DENND3: variants seen among roughly 807,000 people sequenced by gnomAD.
DENND3 encodes the protein DENN domain containing 3, also known as DENN domain-containing protein 3.
Under a neutral mutation model 135.1 loss-of-function variants are expected in DENND3, and 88 were observed. The observed-to-expected ratio is 0.65, with a 90% CI of 0.55 to 0.78. The LOEUF (loss-of-function observed/expected upper bound fraction) is 0.78. Among genes scored for constraint, DENND3 ranks in the 30% least tolerant of loss-of-function variants. The pLI is 0.00. For missense variants in DENND3, 1,392 were observed against 1,688.4 expected (o/e 0.82, Z 3.08); for synonymous variants, 693 against 712.3 (o/e 0.97, Z 0.43).
intron 5 of DENND3, chr8:141,150,434 TAAAAG>T: frequency 1.5e-6 from 1 of 676,342 alleles, no homozygotes; most frequent in Non-Finnish European, 2.1e-6. Flanking sequence ...TCAAAGCTAT[TAAAAG>T]AGAGTTCATA....
rs1385519807 is a variant in DENND3 at position 141,166,461 on chromosome 8, A to G, written c.1753+72A>G. 2.7e-6 allele frequency: 4 copies of G among 1,494,270 alleles called. No homozygotes were observed. Among genetic ancestry groups the G allele is most frequent in the Non-Finnish European group, 3.6e-6 (4 of 1,110,340 alleles). 92.6% of individuals were successfully genotyped at this position (1,494,270 alleles called of 1,614,324 possible). ...CCTGCACCTGCAAGTCATTGAGCAA[A>G]ACTGGGACTTGTTTCAGGAGAGACG... is the stretch of plus-strand genomic sequence containing the variant. On this transcript the variant is annotated intron_variant, in intron 12 of 22. Coordinates refer to ENST00000519811, the MANE Select transcript of DENND3 (RefSeq NM_001352890.3). The surrounding 1 kb of genome is among the most constrained non-coding windows in gnomAD (Gnocchi z 4.3).
At position 141,166,034 on chromosome 8, in the gene DENND3, G is replaced by T. The variant is rs190121614; in HGVS notation, c.1554-156G>T. ...CTGGGTCCCCCTGAGGCTGCACTTG[G>T]TGAGATTTGGGCAACATGTTCTTAC... On this transcript the variant is annotated intron_variant, in intron 11 of 22. Transcript: ENST00000519811. The surrounding 1 kb of genome is among the most constrained non-coding windows in gnomAD (Gnocchi z 4.3). 6.6e-6 allele frequency among the ~76,000 whole-genome samples: 1 copy of T among 152,240 alleles called. No individual in the cohort carries two copies. The highest frequency in any genetic ancestry group is 6.5e-5 in the Admixed American group (1 of 15,284).
At chr8:141,162,244 T>A (rs897611237) in intron 9 of DENND3, among the ~76,000 whole-genome samples, 2 of 152,242 alleles carry the variant, frequency 1.3e-5, no homozygotes, top group Non-Finnish European at 2.9e-5. Flanking sequence ...TATGTTGTTT[T>A]CCTTTTGTTC....
In DENND3 at chr8:141,182,969, A is replaced by G. The variant is rs1682799443; in HGVS notation, c.2944+2115A>G. ...CCGGGAGGCCTGCCCTTCTGGACTC[A>G]GGACGGAGGCAGCACTGCAGGGCGG... On this transcript the variant is annotated intron_variant, in intron 17 of 22. Transcript: ENST00000519811. The surrounding 1 kb of genome is among the most constrained non-coding windows in gnomAD (Gnocchi z 5.9). Among the ~76,000 whole-genome samples, 1 of 152,230 alleles carries G rather than the reference A, an allele frequency of 6.6e-6. No individual in the cohort carries two copies. Among genetic ancestry groups the G allele is most frequent in the African/African-American group, 2.4e-5 (1 of 41,466 alleles).
intron 20 of DENND3, among the ~76,000 whole-genome samples, chr8:141,191,051 C>T (rs1055974488): frequency 6.6e-6 from 1 of 152,198 alleles, no homozygotes; most frequent in African/African-American, 2.4e-5. Flanking sequence ...GTAATGGAGG[C>T]GTGTTTCACA....
rs1444635840 is a variant in DENND3 at position 141,128,658 on chromosome 8, G to T, written c.-50G>T. ...GGTCCCCAGGGGTCTGCGGGCGACTGCGCGGCTGAGGCGCCCGAGTGCGGT... is the reference window on the plus strand; with the variant it reads ...GGTCCCCAGGGGTCTGCGGGCGACTTCGCGGCTGAGGCGCCCGAGTGCGGT... On this transcript the variant is annotated 5_prime_UTR_variant, in exon 1 of 23. Coordinates refer to ENST00000519811, the MANE Select transcript of DENND3 (RefSeq NM_001352890.3). This position sits in a 1 kb window ranked among gnomAD's most constrained non-coding sequence, Gnocchi z 4.5. The T allele has an allele frequency of 8.1e-7, 1 of 1,229,846 alleles. No individual in the cohort carries two copies. Among genetic ancestry groups the T allele is most frequent in the Non-Finnish European group, 1.0e-6 (1 of 965,542 alleles). 76.2% of individuals were successfully genotyped at this position (1,229,846 alleles called of 1,614,324 possible). A position where few individuals can be genotyped will look rare whatever the true frequency, so the allele number is the denominator to read the frequency against.
In DENND3 at chr8:141,137,804, G is replaced by A. The variant is rs533834142; in HGVS notation, c.386-218G>A. 5.9e-5 allele frequency among the ~76,000 whole-genome samples: 9 copies of A among 152,334 alleles called. No individual in the cohort carries two copies. Among genetic ancestry groups the A allele is most frequent in the Admixed American group, 2.6e-4 (4 of 15,312 alleles). On this transcript the variant is annotated intron_variant, in intron 2 of 22. Transcript: ENST00000519811. The surrounding 1 kb of genome is among the most constrained non-coding windows in gnomAD (Gnocchi z 4.1). ...AGCAAGCACTGCCACTGGCTGGCAGGTGCTTGAGAGCTTGTAAAGAAATTG... is the reference window on the plus strand; with the variant it reads ...AGCAAGCACTGCCACTGGCTGGCAGATGCTTGAGAGCTTGTAAAGAAATTG...
At chr8:141,191,301 C>CT (rs1824719637) in intron 20 of DENND3, 1 of 152,254 alleles carries the variant, frequency 6.6e-6, no homozygotes, top group Admixed American at 6.5e-5. Context: ...CTGTATCTGG[C>CT]TTTATTCAGA....
rs1188790585 is a variant in DENND3, at chr8:141,166,170, G to A, written c.1554-20G>A. ...CATTATTGTGTCTATAAACTAACGC[G>A]TTGCTTTTTCGTACCCCAGAATAAA... On this transcript the variant is annotated intron_variant, in intron 11 of 22. Coordinates refer to ENST00000519811, the MANE Select transcript of DENND3 (RefSeq NM_001352890.3). This position sits in a 1 kb window ranked among gnomAD's most constrained non-coding sequence, Gnocchi z 4.3. 2.7e-5 allele frequency: 44 copies of A among 1,611,980 alleles called. No homozygotes were observed. Among genetic ancestry groups the A allele is most frequent in the Middle Eastern group, 1.6e-4 (1 of 6,076 alleles).
In DENND3 at chr8:141,175,323, AGT is replaced by A. The variant is rs1437807561; in HGVS notation, c.2408_2409del (p.Cys803Ter). 2.5e-6 allele frequency: 4 copies of A among 1,614,026 alleles called. No homozygotes were observed. Among genetic ancestry groups the A allele is most frequent in the South Asian group, 1.1e-5 (1 of 91,080 alleles). ...GTGATGGAACACCTGGATAAAAACG[AGT>A]GTGTGTGTAAGTTGTCCAGCTCCGT... On this transcript the variant is annotated frameshift_variant, in exon 14 of 23. Transcript: ENST00000519811. LOFTEE classifies it high-confidence loss of function. This position sits in a 1 kb window ranked among gnomAD's most constrained non-coding sequence, Gnocchi z 5.4.
intron 6 of DENND3, among the ~76,000 whole-genome samples, 187 bp from the exon 7 acceptor site, chr8:141,151,432 G>A (rs1818783960): frequency 6.6e-6 from 1 of 152,134 alleles, no homozygotes; most frequent in Non-Finnish European, 1.5e-5. Flanking sequence ...GTGGAGGCAC[G>A]TTGCTGTGGT....
Position 141,194,191 on chromosome 8 carries a change from G to A in DENND3, c.3795G>A (p.Ser1265=), listed in dbSNP as rs754935644. 2.0e-5 allele frequency: 32 copies of A among 1,613,316 alleles called. No individual in the cohort carries two copies. Among genetic ancestry groups the A allele is most frequent in the African/African-American group, 1.6e-4 (12 of 74,924 alleles). Residue 1265 remains serine (S), a synonymous_variant, in exon 23 of 23, where the codon TCG becomes TCA. Transcript: ENST00000519811. The part of the protein sequence containing the change: ...SAEDRYVLSG[S]GREEGKVAIW... The stretch of plus-strand genomic sequence containing the variant: ...AGGACAGATACGTGCTGAGTGGGTC[G>A]GGCAGGGAGGAGGGGAAAGTCGCCA...
chr8:141,180,814 G>C lies in DENND3; in HGVS notation c.2904G>C (p.Glu968Asp), dbSNP rs746526889. 6.2e-7 allele frequency: 1 copy of C among 1,613,378 alleles called. No homozygotes were observed. The highest frequency in any genetic ancestry group is 1.1e-5 in the South Asian group (1 of 90,876). ...ATAAAATCAACCCCTCGGCGGGGGA[G>C]GCGTTCCCACAAGCGGTGGACGTGC... ...LKHKINPSAG[E>D]AFPQAVDVLL... The change falls in exon 17 of 23, where the codon GAG (glutamate) becomes GAC (aspartate). Residue 968 changes from glutamate (E) to aspartate (D), a missense_variant. Coordinates refer to ENST00000519811, the MANE Select transcript of DENND3 (RefSeq NM_001352890.3).
chr8:141,181,055 G>A lies in DENND3; in HGVS notation c.2944+201G>A, dbSNP rs116789886. On this transcript the variant is annotated intron_variant, in intron 17 of 22. Coordinates refer to ENST00000519811, the MANE Select transcript of DENND3 (RefSeq NM_001352890.3). ...GACCGCTCCACGGACTCAGCCTCAC[G>A]GTGACTGGAGCCAGAGAGCCCACGG... Among the ~76,000 whole-genome samples, 721 of 152,308 alleles carry A rather than the reference G, an allele frequency of 4.7e-3. 5 individuals carry two copies. Among genetic ancestry groups the A allele is most frequent in the African/African-American group, 0.017 (692 of 41,556 alleles).
In DENND3 at chr8:141,156,110, G is replaced by T. The variant is rs573707; in HGVS notation, c.1196+140G>T. 0.012 allele frequency: 14,050 copies of T among 1,215,868 alleles called. 1,212 individuals carry two copies. In the African/African-American group the frequency reaches 0.19, roughly 17 times the overall value. The allele number at this position is 1,215,868 out of a possible 1,614,324, so 75.3% of individuals were successfully genotyped here. A position where few individuals can be genotyped will look rare whatever the true frequency, so the allele number is the denominator to read the frequency against. ...AGTTTGGAAATTATTTGTGAATTTT[G>T]TTTTCTGAGATTGAGTCTCACTCTT... On this transcript the variant is annotated intron_variant, in intron 8 of 22. Transcript: ENST00000519811.
chr8:141,165,451 G>A (rs867906357), intron 11 of DENND3, among the ~76,000 whole-genome samples, 162 bp downstream of exon 11: 1 of 150,562 alleles, frequency 6.6e-6, no homozygotes, highest in Middle Eastern at 3.2e-3. Context: ...TTCTCTCCAT[G>A]TTTCTACTTC....
intron 5 of DENND3, among the ~76,000 whole-genome samples, chr8:141,147,375 A>G (rs886072400): frequency 6.6e-6 from 1 of 152,066 alleles, no homozygotes; most frequent in Non-Finnish European, 1.5e-5. Context: ...CTCACCGTCT[A>G]CCTTCCTCAG....
Position 141,168,261 on chromosome 8 carries a change from T to G in DENND3, c.2011T>G (p.Phe671Val). ...TCTGTATAAAACAGACATACGGATC[T>G]TTCCCACTGATTTGGTGAAGAGGAC... ...QNLYKTDIRI[F>V]PTDLVKRTVE... Residue 671 changes from phenylalanine (F) to valine (V), a missense_variant, in exon 13 of 23, where the codon TTT becomes GTT. Phe to Val is a conservative substitution (Grantham distance 50, BLOSUM62 -1). Coordinates refer to ENST00000519811, the MANE Select transcript of DENND3 (RefSeq NM_001352890.3). The surrounding 1 kb of genome is among the most constrained non-coding windows in gnomAD (Gnocchi z 6.2). 6.2e-7 allele frequency: 1 copy of G among 1,614,172 alleles called. No homozygotes were observed. The highest frequency in any genetic ancestry group is 8.5e-7 in the Non-Finnish European group (1 of 1,180,034).
intron 13 of DENND3, among the ~76,000 whole-genome samples, chr8:141,169,047 A>G (rs1331388627): frequency 2.6e-5 from 4 of 152,194 alleles, no homozygotes; most frequent in Non-Finnish European, 5.9e-5. Context: ...TTGTAGAGAC[A>G]GGGTTTCACC....
Sources: gnomAD v4.1 joint callset for allele counts (sites outside exome capture counted in the v4.1 genomes callset) on GRCh38, gnomAD v4.1.1 for gene constraint, Gnocchi (gnomAD v3.1) non-coding constraint, MANE v1.5 for transcripts, NCBI Gene and HGNC (gene_info 2026-07-23, HGNC 2026-07-21) for gene names.